RRBP1: variants seen among roughly 807,000 people sequenced by gnomAD.
The protein encoded by RRBP1 is ribosome-binding protein 1.
A neutral mutation model predicts 165.2 loss-of-function variants in RRBP1; 94 were observed. The ratio of observed to expected loss-of-function variants is 0.57; its 90% confidence interval spans 0.48 to 0.68. RRBP1 has a LOEUF of 0.68. Ranked by LOEUF, RRBP1 falls within the 30% of genes least tolerant of loss-of-function variation. The probability of loss-of-function intolerance (pLI) is 0.00; values close to 1 mark genes in which losing one functional copy is unlikely to be tolerated. For synonymous variants in RRBP1, 680 were observed against 714.5 expected (o/e 0.95, Z 0.77); for missense variants, 1,676 against 1,763.0 (o/e 0.95, Z 0.88).
In RRBP1 at chr20:17,627,440, C is replaced by T; in HGVS notation, c.2929-58G>A. 4 of 1,610,486 alleles carry T rather than the reference C, an allele frequency of 2.5e-6. No homozygotes were observed. The South Asian group carries it at 4.4e-5, about 18-fold the overall frequency. ...AGGAGACTCATCTCACGCAGCGGGGCTAGTCCACCCACCTGCTAGATGGAG... is the reference window on the plus strand; with the variant it reads ...AGGAGACTCATCTCACGCAGCGGGGTTAGTCCACCCACCTGCTAGATGGAG... On this transcript the variant is annotated intron_variant, in intron 10 of 24. Transcript: ENST00000377813.
rs1483958334 is a variant in RRBP1 at position 17,630,109 on chromosome 20, C to T, written c.2611-148G>A. 4.8e-6 allele frequency: 4 copies of T among 837,912 alleles called. No homozygotes were observed. The African/African-American group carries it at 6.8e-5, about 14-fold the overall frequency. 51.9% of individuals were successfully genotyped at this position (837,912 alleles called of 1,614,324 possible). A position where few individuals can be genotyped will look rare whatever the true frequency, so the allele number is the denominator to read the frequency against. ...TGGGAAGGAAATGCATCCCTCGAGGCTCTAGAACCCGCACAGGCTTCACTT... is the reference window on the plus strand; with the variant it reads ...TGGGAAGGAAATGCATCCCTCGAGGTTCTAGAACCCGCACAGGCTTCACTT... On this transcript the variant is annotated intron_variant, in intron 8 of 24. Coordinates refer to ENST00000377813, the MANE Select transcript of RRBP1 (RefSeq NM_001365613.2).
intron 3 of RRBP1, among the ~76,000 whole-genome samples, chr20:17,655,900 G>A (rs954783432): frequency 6.6e-6 from 1 of 152,180 alleles, no homozygotes; most frequent in Non-Finnish European, 1.5e-5. Context: ...CCCACATGTG[G>A]TACGTGGGAC....
At chr20:17,646,060 C>A (rs1157465879) in intron 3 of RRBP1, among the ~76,000 whole-genome samples, 2 of 152,168 alleles carry the variant, frequency 1.3e-5, no homozygotes, top group Non-Finnish European at 2.9e-5. Flanking sequence ...CAGCAACACC[C>A]CAGGGGCCAG....
rs1442025440 is a variant in RRBP1 at position 17,624,650 on chromosome 20, A to G, written c.3073T>C (p.Trp1025Arg). 9.5e-6 allele frequency: 15 copies of G among 1,586,358 alleles called. No individual in the cohort carries two copies. The highest frequency in any genetic ancestry group is 6.8e-5 in the East Asian group (3 of 43,952). Reference protein sequence around the residue: ...VKNNDLREKNWKAMEALATAE... With the variant: ...VKNNDLREKNRKAMEALATAE... ...GTGGCCAGTGCCTCCATGGCCTTCC[A>G]GTTCTTCTCCCGGAGGTCCTGGAGG... The change falls in exon 13 of 25, where the codon TGG (tryptophan) becomes CGG (arginine). Residue 1025 changes from tryptophan to arginine, a missense_variant. Transcript: ENST00000377813.
At position 17,614,823 on chromosome 20, in the gene RRBP1, G is replaced by A; in HGVS notation, c.4108C>T (p.Leu1370=). ...TSDLGRAATR[L]QELLKTTQEQ... Reference sequence around the variant, plus strand: ...TGGGTCGTCTTCAGAAGCTCCTGCAGTCTCGTGGCGGCGCGCCCCAGGTCA... The same window carrying A: ...TGGGTCGTCTTCAGAAGCTCCTGCAATCTCGTGGCGGCGCGCCCCAGGTCA... Residue 1370 remains leucine (L), a synonymous_variant, in exon 24 of 25, where the codon CTG becomes TTG. Coordinates refer to ENST00000377813, the MANE Select transcript of RRBP1 (RefSeq NM_001365613.2). The A allele has an allele frequency of 6.2e-7, 1 of 1,613,880 alleles. No individual in the cohort carries two copies. The highest frequency in any genetic ancestry group is 8.5e-7 in the Non-Finnish European group (1 of 1,180,014).
chr20:17,671,463 A>C (rs2036978071), intron 2 of RRBP1, among the ~76,000 whole-genome samples: 1 of 152,112 alleles, frequency 6.6e-6, no homozygotes, highest in Admixed American at 6.6e-5. Flanking sequence ...GTGCAGGTCC[A>C]CTCTCAAATA....
intron 7 of RRBP1, 87 bp from the exon 8 acceptor site, chr20:17,633,700 C>G: frequency 7.2e-7 from 1 of 1,387,850 alleles, no homozygotes; most frequent in Non-Finnish European, 9.9e-7. Context: ...CTCCAGCTCT[C>G]TTGTAAGTAA....
At chr20:17,615,352 G>T in intron 23 of RRBP1, 79 bp downstream of exon 23, 1 of 1,171,482 alleles carries the variant, frequency 8.5e-7, no homozygotes, top group Non-Finnish European at 1.2e-6. Context: ...CCCCTTCCTG[G>T]CCCCTTTCCG....
chr20:17,661,839 C>T (rs939157905), intron 2 of RRBP1, among the ~76,000 whole-genome samples: 1 of 152,166 alleles, frequency 6.6e-6, no homozygotes, highest in Non-Finnish European at 1.5e-5. Flanking sequence ...TTGAGATCCC[C>T]ACTCCTCTTG....
intron 13 of RRBP1, among the ~76,000 whole-genome samples, chr20:17,623,719 G>A (rs974095520): frequency 2.6e-5 from 4 of 152,138 alleles, no homozygotes; most frequent in Admixed American, 2.6e-4. Context: ...ATCACTTGAG[G>A]TCAGGAGTTG....
intron 3 of RRBP1, among the ~76,000 whole-genome samples, chr20:17,652,177 A>C (rs3790311): frequency 6.6e-6 from 1 of 152,148 alleles, no homozygotes; most frequent in African/African-American, 2.4e-5. Context: ...CTCCTTTCAG[A>C]AGGTCCTGTT....
Position 17,659,245 on chromosome 20 carries a change from C to A in RRBP1, c.1263G>T (p.Lys421Asn). 6.5e-7 allele frequency: 1 copy of A among 1,546,870 alleles called. No homozygotes were observed. Among genetic ancestry groups the A allele is most frequent in the Non-Finnish European group, 8.7e-7 (1 of 1,145,360 alleles). The change falls in exon 3 of 25, where the codon AAG (lysine) becomes AAT (asparagine). Residue 421 changes from lysine to asparagine, a missense_variant. By Grantham distance (94) the Lys-to-Asn change is moderately conservative (BLOSUM62 0). This residue lies in a region of RRBP1 where 4 missense variants were observed against 59.0 expected (regional missense o/e 0.07). Coordinates refer to ENST00000377813, the MANE Select transcript of RRBP1 (RefSeq NM_001365613.2). Reference protein sequence around the residue: ...KAEGAQNQGKKAEGAQNQGKK... With the variant: ...KAEGAQNQGKNAEGAQNQGKK... Reference sequence around the variant, plus strand: ...TGCCCTGGTTCTGGGCCCCCTCGGCCTTTTTGCCCTGATTCTGGGCCCCCT... The same window carrying A: ...TGCCCTGGTTCTGGGCCCCCTCGGCATTTTTGCCCTGATTCTGGGCCCCCT...
At chr20:17,635,454 C>T (rs1343528755) in intron 7 of RRBP1, 92 bp downstream of exon 7, 4 of 922,740 alleles carry the variant, frequency 4.3e-6, no homozygotes, top group Non-Finnish European at 1.7e-6. Context: ...CCATGCCTGG[C>T]TCTTGTGCCA....
At chr20:17,634,795 G>A (rs1344635400) in intron 7 of RRBP1, among the ~76,000 whole-genome samples, 1 of 152,224 alleles carries the variant, frequency 6.6e-6, no homozygotes, top group Non-Finnish European at 1.5e-5. Context: ...GGGACCCAGA[G>A]GGGACAGGCA....
chr20:17,677,351 T>C (rs1394164343), intron 2 of RRBP1, among the ~76,000 whole-genome samples: 1 of 152,236 alleles, frequency 6.6e-6, no homozygotes, highest in Non-Finnish European at 1.5e-5. Flanking sequence ...AAATAGTCTG[T>C]AACTTCCAGT....
At position 17,620,592 on chromosome 20, in the gene RRBP1, G is replaced by A. The variant is rs576478211; in HGVS notation, c.3507+123C>T. ...TGTCATCCCGCAACTGTGCTTCATAGGGTGTCGTGGAAAAGCCCCACCGAG... is the reference window on the plus strand; with the variant it reads ...TGTCATCCCGCAACTGTGCTTCATAAGGTGTCGTGGAAAAGCCCCACCGAG... On this transcript the variant is annotated intron_variant, in intron 17 of 24. Coordinates refer to ENST00000377813, the MANE Select transcript of RRBP1 (RefSeq NM_001365613.2). The A allele has an allele frequency of 5.5e-5, 45 of 817,748 alleles. No individual in the cohort carries two copies. The East Asian group carries it at 1.2e-3, about 21-fold the overall frequency. The allele number at this position is 817,748 out of a possible 1,614,324, so 50.7% of individuals were successfully genotyped here. A position where few individuals can be genotyped will look rare whatever the true frequency, so the allele number is the denominator to read the frequency against.
intron 8 of RRBP1, among the ~76,000 whole-genome samples, chr20:17,631,235 C>T (rs2036145815): frequency 6.6e-6 from 1 of 152,264 alleles, no homozygotes; most frequent in African/African-American, 2.4e-5. Flanking sequence ...GGCTCCAACA[C>T]CCTCACACCT....
intron 11 of RRBP1, 49 bp downstream of exon 11, chr20:17,627,299 C>A (rs368558937): frequency 1.9e-6 from 3 of 1,601,722 alleles, no homozygotes; most frequent in Admixed American, 1.7e-5. Flanking sequence ...GGTCTTTGGT[C>A]CCCCGGGCTG....
chr20:17,651,540 C>T (rs2036557718), intron 3 of RRBP1, among the ~76,000 whole-genome samples: 1 of 152,192 alleles, frequency 6.6e-6, no homozygotes, highest in African/African-American at 2.4e-5. Flanking sequence ...GGCAGTTTCG[C>T]AGGTGCAATA....
Sources: allele counts gnomAD v4.1 joint callset (sites outside exome capture counted in the v4.1 genomes callset), GRCh38; gene constraint gnomAD v4.1.1; regional missense constraint gnomAD v4.1.1; transcripts MANE v1.5; gene names NCBI Gene and HGNC (gene_info 2026-07-23, HGNC 2026-07-21).